SPOCK3: variants seen among roughly 807,000 people sequenced by gnomAD.
The protein encoded by SPOCK3 is testican-3.
SPOCK3 carries 30 observed loss-of-function variants against 56.6 expected under a neutral mutation model. That is an observed-to-expected ratio of 0.53 (90% CI 0.40 to 0.72). The LOEUF is 0.72. Ranked by LOEUF, SPOCK3 falls within the 30% of genes least tolerant of loss-of-function variation. SPOCK3 has a pLI of 0.00. For missense variants in SPOCK3, 527 were observed against 530.0 expected (o/e 0.99, Z 0.06); for synonymous variants, 196 against 183.3 (o/e 1.07, Z -0.56).
At chr4:166,912,369 A>T (rs1312680626) in intron 5 of SPOCK3, among the ~76,000 whole-genome samples, 1 of 152,198 alleles carries the variant, frequency 6.6e-6, no homozygotes, top group African/African-American at 2.4e-5. Flanking sequence ...GACTTCTTTC[A>T]TAGTAGCAAC....
chr4:166,826,125 T>C lies in SPOCK3; in HGVS notation c.590-33836A>G, dbSNP rs1167172879. ...TAAGGATTAGATAAGCAAAGACTGT[T>C]CATATTTCAAATAAACAAAAGCAGA... On this transcript the variant is annotated intron_variant, in intron 6 of 10. Coordinates refer to ENST00000357545, the MANE Select transcript of SPOCK3 (RefSeq NM_001040159.2). Among the ~76,000 whole-genome samples the C allele has an allele frequency of 2.6e-5, 4 of 152,234 alleles. No homozygotes were observed. In the East Asian group the frequency reaches 7.7e-4, roughly 29 times the overall value.
At chr4:166,799,615 C>G in intron 6 of SPOCK3, among the ~76,000 whole-genome samples, 1 of 151,962 alleles carries the variant, frequency 6.6e-6, no homozygotes, top group East Asian at 1.9e-4. Flanking sequence ...AACAATTTTC[C>G]AAGAATAGAA....
intron 2 of SPOCK3, among the ~76,000 whole-genome samples, chr4:167,204,276 A>G (rs931411796): frequency 6.6e-6 from 1 of 152,080 alleles, no homozygotes; most frequent in African/African-American, 2.4e-5. Flanking sequence ...AAAACAACAA[A>G]GAAAAAACTT....
intron 3 of SPOCK3, among the ~76,000 whole-genome samples, chr4:167,030,956 G>A (rs548838664): frequency 6.6e-6 from 1 of 151,996 alleles, no homozygotes; most frequent in Non-Finnish European, 1.5e-5. Flanking sequence ...CCGTCTGTGA[G>A]ATATTTGTCA....
chr4:166,754,447 A>T (rs753085913), intron 8 of SPOCK3, 61 bp downstream of exon 8: 1 of 1,556,756 alleles, frequency 6.4e-7, no homozygotes, highest in South Asian at 1.2e-5. Flanking sequence ...TTTTCTTAAA[A>T]AATAAGTAAA....
chr4:166,784,201 A>G (rs1186070199), intron 7 of SPOCK3, among the ~76,000 whole-genome samples: 1 of 152,166 alleles, frequency 6.6e-6, no homozygotes. Flanking sequence ...AAGAAAGAAT[A>G]AAGGATAACC....
intron 2 of SPOCK3, among the ~76,000 whole-genome samples, chr4:167,203,556 T>TAA (rs113951203): frequency 0.052 from 7,358 of 142,718 alleles, 572 homozygotes; most frequent in African/African-American, 0.17. Context: ...TCTATCTGAT[T>TAA]AAAAAAAAAA....
At chr4:166,856,804 C>CTATCTATCTAGA (rs752760074) in intron 6 of SPOCK3, among the ~76,000 whole-genome samples, 144 of 150,276 alleles carry the variant, frequency 9.6e-4, no homozygotes, top group African/African-American at 3.3e-3. Context: ...ATCTATCTAT[C>CTATCTATCTAGA]TATCTAGATA....
intron 2 of SPOCK3, among the ~76,000 whole-genome samples, chr4:167,223,657 T>C (rs1272632500): frequency 6.6e-6 from 1 of 151,962 alleles, no homozygotes; most frequent in Admixed American, 6.6e-5. Context: ...ATTAATACAT[T>C]TTTAAAAACT....
intron 8 of SPOCK3, among the ~76,000 whole-genome samples, chr4:166,752,221 C>T (rs1736463861): frequency 6.6e-6 from 1 of 151,942 alleles, no homozygotes. Context: ...GACAGGATCT[C>T]ACCACATTGC....
At chr4:166,987,676 A>G (rs537051484) in intron 4 of SPOCK3, among the ~76,000 whole-genome samples, 1 of 152,334 alleles carries the variant, frequency 6.6e-6, no homozygotes, top group African/African-American at 2.4e-5. Context: ...CATAGAAGTT[A>G]CCAATGCCCT....
intron 2 of SPOCK3, among the ~76,000 whole-genome samples, chr4:167,175,739 C>T (rs1474287794): frequency 8.5e-5 from 13 of 152,050 alleles, no homozygotes; most frequent in Non-Finnish European, 1.5e-4. Flanking sequence ...GAAATACCAG[C>T]CCTGTTCACA....
In SPOCK3 at chr4:166,735,095, A is replaced by T; in HGVS notation, c.1133-5T>A. 1 of 1,579,290 alleles carries T rather than the reference A, an allele frequency of 6.3e-7. No homozygotes were observed. Among genetic ancestry groups the T allele is most frequent in the Non-Finnish European group, 8.6e-7 (1 of 1,159,926 alleles). Reference sequence around the variant, plus strand: ...CGGAGATCTCAAAATCTATAGCTTAAAACAAGTGAAAGTAAACATAACCTT... The same window carrying T: ...CGGAGATCTCAAAATCTATAGCTTATAACAAGTGAAAGTAAACATAACCTT... On this transcript the variant is annotated splice_polypyrimidine_tract_variant and splice_region_variant and intron_variant, in intron 10 of 10. Coordinates refer to ENST00000357545, the MANE Select transcript of SPOCK3 (RefSeq NM_001040159.2).
chr4:167,187,049 T>C (rs1413540525), intron 2 of SPOCK3, among the ~76,000 whole-genome samples: 2 of 151,730 alleles, frequency 1.3e-5, no homozygotes, highest in Non-Finnish European at 2.9e-5. Context: ...CCAGAAATTA[T>C]AATTTTAGAT....
intron 2 of SPOCK3, among the ~76,000 whole-genome samples, chr4:167,226,700 C>G (rs1361797748): frequency 1.3e-5 from 2 of 152,062 alleles, no homozygotes. Context: ...TGTGTGATGA[C>G]TTTCAGGTGA....
rs977025396 is a variant in SPOCK3, at chr4:167,037,603, C to G, written c.235+24889G>C. 4.3e-4 allele frequency among the ~76,000 whole-genome samples: 66 copies of G among 151,858 alleles called. 1 individual carries two copies. Among genetic ancestry groups the G allele is most frequent in the African/African-American group, 1.4e-3 (59 of 41,360 alleles). Reference sequence around the variant, plus strand: ...ACTGCCCAGATCAGCTCACTGTTTTCAGAGTTCAGGCTCCACAGGCACACT... The same window carrying G: ...ACTGCCCAGATCAGCTCACTGTTTTGAGAGTTCAGGCTCCACAGGCACACT... On this transcript the variant is annotated intron_variant, in intron 3 of 10. Transcript: ENST00000357545.
chr4:167,198,309 A>G (rs1225847230), intron 2 of SPOCK3, among the ~76,000 whole-genome samples: 1 of 152,122 alleles, frequency 6.6e-6, no homozygotes, highest in Non-Finnish European at 1.5e-5. Flanking sequence ...CCAGACTAGA[A>G]TATCTGGAAT....
intron 3 of SPOCK3, among the ~76,000 whole-genome samples, chr4:167,016,334 G>A (rs1750611125): frequency 6.6e-6 from 1 of 152,010 alleles, no homozygotes; most frequent in Admixed American, 6.6e-5. Flanking sequence ...GTATTTCAGG[G>A]TTGATCAATA....
chr4:167,217,585 T>C (rs1483138138), intron 2 of SPOCK3, among the ~76,000 whole-genome samples: 1 of 152,022 alleles, frequency 6.6e-6, no homozygotes, highest in Non-Finnish European at 1.5e-5. Context: ...CAATTCCCCA[T>C]GGATACTGAG....
Sources: allele counts gnomAD v4.1 joint callset (sites outside exome capture counted in the v4.1 genomes callset), GRCh38; gene constraint gnomAD v4.1.1; transcripts MANE v1.5; gene names NCBI Gene and HGNC (gene_info 2026-07-23, HGNC 2026-07-21).